ANKH: variants seen among roughly 807,000 people sequenced by gnomAD.
The protein encoded by ANKH is ANKH inorganic pyrophosphate transport regulator.
ANKH carries 15 observed loss-of-function variants against 49.0 expected under a neutral mutation model. That is an observed-to-expected ratio of 0.31 (90% CI 0.20 to 0.47). ANKH has a LOEUF of 0.47. Among genes scored for constraint, ANKH ranks in the 20% least tolerant of loss-of-function variants. The probability of loss-of-function intolerance (pLI) is 1.00; values close to 1 mark genes in which losing one functional copy is unlikely to be tolerated. For synonymous variants in ANKH, 273 were observed against 260.0 expected (o/e 1.05, Z -0.48); for missense variants, 429 against 652.0 (o/e 0.66, Z 3.72).
intron 5 of ANKH, 77 bp downstream of exon 5, chr5:14,750,992 C>T: frequency 6.4e-7 from 1 of 1,568,648 alleles, no homozygotes; most frequent in South Asian, 1.1e-5. Flanking sequence ...ACTGATTTCT[C>T]ATTTTACATA....
At chr5:14,861,227 C>T (rs1735480535) in intron 1 of ANKH, among the ~76,000 whole-genome samples, 1 of 152,188 alleles carries the variant, frequency 6.6e-6, no homozygotes. Flanking sequence ...ACTCCAAGCA[C>T]ATAATATTCC....
At chr5:14,818,367 C>G (rs982891037) in intron 1 of ANKH, among the ~76,000 whole-genome samples, 3 of 151,966 alleles carry the variant, frequency 2.0e-5, no homozygotes, top group Admixed American at 2.0e-4. Context: ...CGGCTGGGCA[C>G]AGTGGCTCAC....
chr5:14,807,545 C>T (rs1050479216), intron 1 of ANKH, among the ~76,000 whole-genome samples: 1 of 152,166 alleles, frequency 6.6e-6, no homozygotes, highest in African/African-American at 2.4e-5. Flanking sequence ...GAACGGTAAA[C>T]CTATTAAAAT....
At chr5:14,807,521 C>T (rs567715852) in intron 1 of ANKH, among the ~76,000 whole-genome samples, 2 of 152,310 alleles carry the variant, frequency 1.3e-5, no homozygotes, top group East Asian at 3.9e-4. Context: ...GATCCTTAAC[C>T]TGAACTGCTG....
chr5:14,869,360 ATCAATT>A (rs1735751166), intron 1 of ANKH: 1 of 152,234 alleles, frequency 6.6e-6, no homozygotes, highest in Non-Finnish European at 1.5e-5. Flanking sequence ...TGGAAAACCT[ATCAATT>A]TCTTCTCCCC....
intron 8 of ANKH, among the ~76,000 whole-genome samples, chr5:14,720,952 TCC>T (rs1248592665): frequency 3.3e-5 from 5 of 152,190 alleles, no homozygotes; most frequent in Non-Finnish European, 7.3e-5. Flanking sequence ...AGCCAGGTAA[TCC>T]CTGCTCTGGG....
intron 10 of ANKH, 27 bp from the exon 11 acceptor site, chr5:14,713,000 T>C (rs1474917652): frequency 6.2e-7 from 1 of 1,601,480 alleles, no homozygotes; most frequent in East Asian, 2.2e-5. Context: ...AAAGGCAATT[T>C]GTCTGTTAAG....
At chr5:14,795,965 C>T (rs1043672645) in intron 1 of ANKH, among the ~76,000 whole-genome samples, 3 of 152,192 alleles carry the variant, frequency 2.0e-5, no homozygotes, top group African/African-American at 7.2e-5. Context: ...AATGTGACAC[C>T]TTATTAGTGT....
intron 1 of ANKH, among the ~76,000 whole-genome samples, chr5:14,783,289 TACACACACACACACAC>T (rs57904537): frequency 1.4e-5 from 2 of 144,524 alleles, no homozygotes; most frequent in Non-Finnish European, 3.0e-5. Context: ...GCCACCATTC[TACACACACACACACAC>T]ACACACACAC....
intron 8 of ANKH, among the ~76,000 whole-genome samples, chr5:14,720,164 T>C (rs907738215): frequency 3.9e-5 from 6 of 152,202 alleles, no homozygotes; most frequent in Non-Finnish European, 8.8e-5. Context: ...GTAAGTGCAA[T>C]AGAGCCATTC....
intron 1 of ANKH, among the ~76,000 whole-genome samples, chr5:14,854,916 T>G (rs990743885): frequency 1.3e-5 from 2 of 152,176 alleles, no homozygotes; most frequent in African/African-American, 4.8e-5. Context: ...TCAGTAGCTA[T>G]TTTGAAACCA....
At chr5:14,773,071 C>G (rs10070808) in intron 1 of ANKH, among the ~76,000 whole-genome samples, 24,970 of 152,174 alleles carry the variant, frequency 0.16, 2,276 homozygotes, top group East Asian at 0.43. Context: ...TTTTCCCCAC[C>G]ACCTATCCTG....
At chr5:14,863,171 G>T (rs1293238110) in intron 1 of ANKH, among the ~76,000 whole-genome samples, 1 of 152,124 alleles carries the variant, frequency 6.6e-6, no homozygotes, top group East Asian at 1.9e-4. Flanking sequence ...CCAGTTGACT[G>T]GCAACTGGTT....
At chr5:14,817,785 A>G (rs1316744202) in intron 1 of ANKH, among the ~76,000 whole-genome samples, 1 of 152,240 alleles carries the variant, frequency 6.6e-6, no homozygotes, top group Non-Finnish European at 1.5e-5. Flanking sequence ...TAAAGAATAA[A>G]GGGTTCACTA....
intron 4 of ANKH, among the ~76,000 whole-genome samples, chr5:14,751,627 T>C (rs909940624): frequency 6.6e-6 from 1 of 152,244 alleles, no homozygotes; most frequent in African/African-American, 2.4e-5. Flanking sequence ...GCACTGCATG[T>C]GTGCACCAAA....
intron 7 of ANKH, among the ~76,000 whole-genome samples, chr5:14,742,495 T>C (rs531268806): frequency 6.6e-6 from 1 of 152,284 alleles, no homozygotes; most frequent in South Asian, 2.1e-4. Flanking sequence ...TGCCATTGAA[T>C]CCTGATTTTC....
At chr5:14,816,386 G>T (rs1741037560) in intron 1 of ANKH, among the ~76,000 whole-genome samples, 1 of 152,124 alleles carries the variant, frequency 6.6e-6, no homozygotes, top group Non-Finnish European at 1.5e-5. Flanking sequence ...TCAAATTGTT[G>T]TGTGGATGAT....
At chr5:14,757,296 G>A (rs1021475610) in intron 3 of ANKH, among the ~76,000 whole-genome samples, 5 of 151,832 alleles carry the variant, frequency 3.3e-5, no homozygotes, top group African/African-American at 9.7e-5. Flanking sequence ...ATAAACTTGA[G>A]GTGGGGGTGG....
At chr5:14,721,729 G>C (rs1416801953) in intron 8 of ANKH, among the ~76,000 whole-genome samples, 1 of 152,048 alleles carries the variant, frequency 6.6e-6, no homozygotes, top group Non-Finnish European at 1.5e-5. Context: ...AGGAGATCGA[G>C]ACCATCCTGG....
Sources: gnomAD v4.1 joint callset for allele counts (sites outside exome capture counted in the v4.1 genomes callset) on GRCh38, gnomAD v4.1.1 for gene constraint, MANE v1.5 for transcripts, NCBI Gene and HGNC (gene_info 2026-07-23, HGNC 2026-07-21) for gene names.